Variants in MYO1B observed in about 807,000 individuals in gnomAD.
MYO1B encodes the protein unconventional myosin-Ib.
Under a neutral mutation model 159.7 loss-of-function variants are expected in MYO1B, and 72 were observed. That is an observed-to-expected ratio of 0.45 (90% CI 0.37 to 0.55). The LOEUF (loss-of-function observed/expected upper bound fraction) is 0.55. MYO1B is among the 20% of genes least tolerant of loss of function. MYO1B has a pLI of 0.00. For missense variants in MYO1B, 1,062 were observed against 1,364.8 expected (o/e 0.78, Z 3.50); for synonymous variants, 468 against 473.8 (o/e 0.99, Z 0.16).
At chr2:191,252,171 A>G (rs1686162545) in intron 1 of MYO1B, among the ~76,000 whole-genome samples, 2 of 152,200 alleles carry the variant, frequency 1.3e-5, no homozygotes, top group African/African-American at 2.4e-5. Flanking sequence ...TCCTCATATT[A>G]TCTGCTTCTA....
chr2:191,267,088 C>T (rs1483263621), intron 1 of MYO1B, among the ~76,000 whole-genome samples: 1 of 151,936 alleles, frequency 6.6e-6, no homozygotes, highest in East Asian at 1.9e-4. Context: ...TGGTGCCTGT[C>T]CCTCTCTGCC....
At chr2:191,298,978 A>T (rs1395499783) in intron 3 of MYO1B, among the ~76,000 whole-genome samples, 3 of 152,106 alleles carry the variant, frequency 2.0e-5, no homozygotes, top group Admixed American at 6.5e-5. Context: ...CTACACCACA[A>T]ACCCTCCAGG....
chr2:191,333,849 G>A (rs980091922), intron 4 of MYO1B, among the ~76,000 whole-genome samples: 1 of 152,156 alleles, frequency 6.6e-6, no homozygotes, highest in Non-Finnish European at 1.5e-5. Flanking sequence ...CTTAGAAGCA[G>A]TACAGCTTCT....
At chr2:191,385,348 C>T (rs533916450) in intron 15 of MYO1B, among the ~76,000 whole-genome samples, 34 of 152,242 alleles carry the variant, frequency 2.2e-4, no homozygotes, top group Admixed American at 2.1e-3. Flanking sequence ...TTGTTAAAAG[C>T]AGCATCTCAA....
intron 1 of MYO1B, among the ~76,000 whole-genome samples, chr2:191,247,305 T>G (rs748083126): frequency 1.9e-4 from 29 of 152,164 alleles, no homozygotes; most frequent in Non-Finnish European, 3.5e-4. Flanking sequence ...AACCACCCCT[T>G]TGGCCATTTA....
At chr2:191,416,339 G>A (rs774628945) in intron 30 of MYO1B, 97 bp downstream of exon 30, 3 of 1,419,160 alleles carry the variant, frequency 2.1e-6, no homozygotes, top group Non-Finnish European at 3.0e-6. Flanking sequence ...TACTTATTAA[G>A]TACCAGGTAT....
intron 4 of MYO1B, among the ~76,000 whole-genome samples, chr2:191,340,787 G>A (rs1370587137): frequency 2.6e-5 from 4 of 151,610 alleles, no homozygotes; most frequent in Non-Finnish European, 5.9e-5. Context: ...GTGCAGTGGT[G>A]CGATCTCAGC....
intron 13 of MYO1B, among the ~76,000 whole-genome samples, chr2:191,373,930 G>A (rs1275803609): frequency 6.6e-6 from 1 of 151,984 alleles, no homozygotes. Context: ...AGCCTTCTCA[G>A]ATTAATCTTC....
intron 2 of MYO1B, among the ~76,000 whole-genome samples, chr2:191,283,951 G>A (rs746329735): frequency 2.6e-5 from 4 of 152,210 alleles, no homozygotes; most frequent in East Asian, 1.9e-4. Context: ...ATGAACCAGC[G>A]TGACATAGAG....
chr2:191,393,142 CG>C lies in MYO1B; in HGVS notation c.2151del (p.Trp718GlyfsTer9), dbSNP rs1559229026. ...DLATLIQKIYRGWKCRTHFLL... is the reference protein window; with the variant it reads ...DLATLIQKIYXGWKCRTHFLL... The stretch of plus-strand genomic sequence containing the variant: ...GGCCACTCTCATTCAGAAGATATAT[CG>C]GGGGTGGAAATGCCGCACACACTTC... On this transcript the variant is annotated frameshift_variant, in exon 20 of 31. Coordinates refer to ENST00000392318, the MANE Select transcript of MYO1B (RefSeq NM_001130158.3). LOFTEE classifies it high-confidence loss of function. 1 of 1,613,816 alleles carries C rather than the reference CG, an allele frequency of 6.2e-7. No homozygotes were observed. Among genetic ancestry groups the C allele is most frequent in the Non-Finnish European group, 8.5e-7 (1 of 1,179,904 alleles).
chr2:191,367,460 G>T (rs1489829554), intron 11 of MYO1B, among the ~76,000 whole-genome samples: 5 of 152,184 alleles, frequency 3.3e-5, no homozygotes, highest in Admixed American at 2.0e-4. Flanking sequence ...ATCATTTCCT[G>T]TTCATTTCTA....
chr2:191,392,279 T>C, intron 19 of MYO1B, 78 bp downstream of exon 19: 1 of 1,056,628 alleles, frequency 9.5e-7, no homozygotes, highest in South Asian at 1.8e-5. Context: ...TTTAACTTTA[T>C]AACATTATAT....
chr2:191,399,222 T>C (rs979158540), intron 21 of MYO1B, among the ~76,000 whole-genome samples: 7 of 151,578 alleles, frequency 4.6e-5, no homozygotes, highest in Non-Finnish European at 1.0e-4. Context: ...AGCAGTACCA[T>C]CCAGCTTTGG....
At chr2:191,351,874 G>A (rs1392830397) in intron 7 of MYO1B, among the ~76,000 whole-genome samples, 1 of 152,146 alleles carries the variant, frequency 6.6e-6, no homozygotes, top group African/African-American at 2.4e-5. Context: ...GACAGAGTGA[G>A]ACCCCATCTC....
In MYO1B at chr2:191,298,273, T is replaced by C. The variant is rs59424200; in HGVS notation, c.251+2047T>C. Among the ~76,000 whole-genome samples the C allele has an allele frequency of 5.0e-3, 760 of 152,362 alleles. 9 individuals carry two copies. The highest frequency in any genetic ancestry group is 0.017 in the African/African-American group (717 of 41,580). ...AAATTCTGATCATTTTGTTTTCTTC[T>C]AGAAGTAGATATTGCAAGTGTTCTT... is the stretch of plus-strand genomic sequence containing the variant. On this transcript the variant is annotated intron_variant, in intron 3 of 30. Coordinates refer to ENST00000392318, the MANE Select transcript of MYO1B (RefSeq NM_001130158.3).
chr2:191,252,741 C>T (rs747836788), intron 1 of MYO1B, among the ~76,000 whole-genome samples: 11 of 152,096 alleles, frequency 7.2e-5, no homozygotes, highest in Middle Eastern at 3.2e-3. Flanking sequence ...GGGAGATATC[C>T]GTCTCTCCAA....
At chr2:191,402,141 T>C (rs190731710) in intron 23 of MYO1B, 2 of 152,508 alleles carry the variant, frequency 1.3e-5, no homozygotes, top group East Asian at 1.9e-4. Flanking sequence ...ATAAACTTTT[T>C]TCCTCCCAGT....
chr2:191,328,283 T>A (rs1691235348), intron 3 of MYO1B, among the ~76,000 whole-genome samples: 1 of 152,214 alleles, frequency 6.6e-6, no homozygotes, highest in South Asian at 2.1e-4. Flanking sequence ...AAAGCCAAAG[T>A]CCTTGACTGG....
chr2:191,410,391 C>T (rs1697183866), intron 26 of MYO1B, among the ~76,000 whole-genome samples: 2 of 152,298 alleles, frequency 1.3e-5, no homozygotes, highest in South Asian at 4.2e-4. Context: ...GAATGCTCAT[C>T]TAAAAAACCT....
Sources: allele counts gnomAD v4.1 joint callset (sites outside exome capture counted in the v4.1 genomes callset), GRCh38; gene constraint gnomAD v4.1.1; transcripts MANE v1.5; gene names NCBI Gene and HGNC (gene_info 2026-07-23, HGNC 2026-07-21).